Variants in KIAA1328 observed in about 807,000 individuals in gnomAD.
KIAA1328 encodes the protein KIAA1328.
KIAA1328 carries 52 observed loss-of-function variants against 68.1 expected under a neutral mutation model. That is an observed-to-expected ratio of 0.76 (90% CI 0.61 to 0.96). The LOEUF is 0.96. Among genes scored for constraint, KIAA1328 ranks in the 40% least tolerant of loss-of-function variants. The pLI is 0.00. For missense variants in KIAA1328, 641 were observed against 677.6 expected (o/e 0.95, Z 0.60); for synonymous variants, 232 against 239.4 (o/e 0.97, Z 0.28).
Position 37,222,858 on chromosome 18 carries a change from AC to A in KIAA1328, c.*634del, listed in dbSNP as rs2060588946. On this transcript the variant is annotated 3_prime_UTR_variant, in exon 10 of 10. Coordinates refer to ENST00000280020, the MANE Select transcript of KIAA1328 (RefSeq NM_020776.3). ...AGAGCTCAATGGGCTGGAGGGTGAG[AC>A]CCAGCCAATCCTTGGGAGCAAGCAG... is the stretch of plus-strand genomic sequence containing the variant. 1.0e-6 allele frequency: 1 copy of A among 988,144 alleles called. No homozygotes were observed. Among genetic ancestry groups the A allele is most frequent in the African/African-American group, 1.7e-5 (1 of 57,322 alleles). The allele number at this position is 988,144 out of a possible 1,614,324, so 61.2% of individuals were successfully genotyped here. A position where few individuals can be genotyped will look rare whatever the true frequency, so the allele number is the denominator to read the frequency against.
intron 5 of KIAA1328, among the ~76,000 whole-genome samples, chr18:36,933,098 A>G (rs1360331957): frequency 3.9e-5 from 6 of 152,168 alleles, no homozygotes; most frequent in Non-Finnish European, 5.9e-5. Context: ...CAACACACAT[A>G]TATAGGACTA....
chr18:36,961,502 G>C (rs2051670944), intron 6 of KIAA1328, among the ~76,000 whole-genome samples: 1 of 152,074 alleles, frequency 6.6e-6, no homozygotes, highest in Admixed American at 6.6e-5. Context: ...GCAACCCCAA[G>C]ACACGTAATT....
At chr18:37,218,894 C>A (rs2060500409) in intron 9 of KIAA1328, among the ~76,000 whole-genome samples, 1 of 152,202 alleles carries the variant, frequency 6.6e-6, no homozygotes, top group Non-Finnish European at 1.5e-5. Flanking sequence ...AAGAGGCACT[C>A]TGGTTTTTAG....
chr18:37,124,729 T>C (rs1406689442), intron 7 of KIAA1328, among the ~76,000 whole-genome samples: 1 of 152,166 alleles, frequency 6.6e-6, no homozygotes, highest in East Asian at 1.9e-4. Flanking sequence ...TGGCTCAGAA[T>C]GTTCTAACCA....
chr18:37,071,057 CTTT>C (rs58722044), intron 7 of KIAA1328, among the ~76,000 whole-genome samples: 3 of 86,836 alleles, frequency 3.5e-5, no homozygotes, highest in African/African-American at 1.4e-4. Context: ...TTTTTTCTTC[CTTT>C]TTTTTTTTTT....
chr18:37,067,305 A>G lies in KIAA1328; in HGVS notation c.992A>G (p.His331Arg), dbSNP rs753007246. 1 of 1,613,870 alleles carries G rather than the reference A, an allele frequency of 6.2e-7. No homozygotes were observed. Among genetic ancestry groups the G allele is most frequent in the African/African-American group, 1.3e-5 (1 of 74,932 alleles). ...ATGACCCCTCAACATCCTAAGACAC[A>G]TCCAGAATCATGCAGTTATTGTCGG... is the stretch of plus-strand genomic sequence containing the variant. ...TNMTPQHPKT[H>R]PESCSYCRLS... Residue 331 changes from histidine (H) to arginine (R), a missense_variant, in exon 7 of 10, where the codon CAT (histidine) becomes CGT (arginine). Transcript: ENST00000280020.
In KIAA1328 at chr18:37,065,460, G is replaced by A. The variant is rs1296153731; in HGVS notation, c.577-1430G>A. ...TTGTTCCTTTCAGATTTGTGTTAAA[G>A]GTTATACTCTGGCTGCTCAAAAGAA... On this transcript the variant is annotated intron_variant, in intron 6 of 9. Transcript: ENST00000280020. Among the ~76,000 whole-genome samples the A allele has an allele frequency of 5.9e-5, 9 of 152,256 alleles. 1 individual carries two copies. The South Asian group carries it at 1.2e-3, about 21-fold the overall frequency.
At chr18:36,890,991 T>C (rs1568129158) in intron 5 of KIAA1328, among the ~76,000 whole-genome samples, 1 of 152,134 alleles carries the variant, frequency 6.6e-6, no homozygotes, top group African/African-American at 2.4e-5. Flanking sequence ...CAAAACATGG[T>C]AGATGAATAA....
chr18:37,075,048 A>T (rs1193944996), intron 7 of KIAA1328: 1 of 151,956 alleles, frequency 6.6e-6, no homozygotes, highest in Non-Finnish European at 1.5e-5. Flanking sequence ...ACCAAAGTTG[A>T]AATGAAGGAA....
At chr18:37,158,132 A>G (rs1198395758) in intron 7 of KIAA1328, among the ~76,000 whole-genome samples, 1 of 151,868 alleles carries the variant, frequency 6.6e-6, no homozygotes, top group East Asian at 1.9e-4. Context: ...TCCTGGGCTC[A>G]AGCTATCCTG....
intron 5 of KIAA1328, among the ~76,000 whole-genome samples, chr18:36,935,079 A>G (rs1482141516): frequency 2.6e-5 from 4 of 152,238 alleles, no homozygotes; most frequent in African/African-American, 9.6e-5. Context: ...TTTAGTTCTC[A>G]GTTAGGCTAG....
chr18:36,939,792 A>G (rs191043171), intron 5 of KIAA1328, among the ~76,000 whole-genome samples: 9 of 152,216 alleles, frequency 5.9e-5, no homozygotes, highest in African/African-American at 2.2e-4. Context: ...GAGAGTTTTT[A>G]CTATGAAAGG....
chr18:36,900,112 C>T (rs550520395), intron 5 of KIAA1328, among the ~76,000 whole-genome samples: 3 of 151,674 alleles, frequency 2.0e-5, no homozygotes, highest in Non-Finnish European at 2.9e-5. Flanking sequence ...AGCCTCTCTC[C>T]GAAAAAACAA....
intron 7 of KIAA1328, among the ~76,000 whole-genome samples, chr18:37,080,986 G>GTTGA (rs1436318348): frequency 4.6e-5 from 7 of 151,474 alleles, no homozygotes; most frequent in Non-Finnish European, 1.0e-4. Flanking sequence ...TGATTGATTG[G>GTTGA]TTGATTGATT....
chr18:36,971,118 A>G (rs537277594), intron 6 of KIAA1328, among the ~76,000 whole-genome samples: 54 of 152,298 alleles, frequency 3.5e-4, no homozygotes, highest in African/African-American at 1.3e-3. Context: ...GACCAATGGA[A>G]CAGAACAGAG....
intron 4 of KIAA1328, among the ~76,000 whole-genome samples, chr18:36,881,457 AAAGAAG>A (rs35313988): frequency 6.6e-6 from 1 of 151,996 alleles, no homozygotes; most frequent in African/African-American, 2.4e-5. Flanking sequence ...ACTTAAAAAG[AAAGAAG>A]AAGGTCATTC....
chr18:37,093,387 C>CAGGAA (rs2057319274), intron 7 of KIAA1328, among the ~76,000 whole-genome samples: 1 of 151,984 alleles, frequency 6.6e-6, no homozygotes, highest in African/African-American at 2.4e-5. Context: ...TACAGACAAA[C>CAGGAA]ATACAAAGAA....
intron 6 of KIAA1328, among the ~76,000 whole-genome samples, chr18:37,058,502 C>T (rs2056013629): frequency 6.6e-6 from 1 of 152,106 alleles, no homozygotes; most frequent in Non-Finnish European, 1.5e-5. Context: ...TGCCTGTGCT[C>T]AGGAGTTTGA....
In KIAA1328 at chr18:37,067,356, G is replaced by A. The variant is rs548499817; in HGVS notation, c.1043G>A (p.Gly348Asp). ...CRLSWASLVH[G>D]GGALQPIETL... Reference sequence around the variant, plus strand: ...CTTTCTTGGGCATCTCTGGTGCATGGTGGTGGGGCACTGCAACCCATTGAA... The same window carrying A: ...CTTTCTTGGGCATCTCTGGTGCATGATGGTGGGGCACTGCAACCCATTGAA... Residue 348 changes from glycine to aspartate, a missense_variant, in exon 7 of 10, where the codon GGT (glycine) becomes GAT (aspartate). Coordinates refer to ENST00000280020, the MANE Select transcript of KIAA1328 (RefSeq NM_020776.3). 1 of 1,613,892 alleles carries A rather than the reference G, an allele frequency of 6.2e-7. No individual in the cohort carries two copies. The highest frequency in any genetic ancestry group is 1.3e-5 in the African/African-American group (1 of 75,020).
Sources: gnomAD v4.1 joint callset for allele counts (sites outside exome capture counted in the v4.1 genomes callset) on GRCh38, gnomAD v4.1.1 for gene constraint, MANE v1.5 for transcripts, NCBI Gene and HGNC (gene_info 2026-07-23, HGNC 2026-07-21) for gene names.